Variants in GPR146 observed in about 807,000 individuals in gnomAD.
GPR146 encodes G-protein coupled receptor 146.
For missense variants in GPR146, 381 were observed against 213.9 expected (o/e 1.78, Z -4.87); for synonymous variants, 203 against 104.3 (o/e 1.95, Z -5.77).
intron 1 of GPR146, among the ~76,000 whole-genome samples, chr7:1,049,055 G>A (rs1483538760): frequency 6.6e-6 from 1 of 152,218 alleles, no homozygotes; most frequent in Non-Finnish European, 1.5e-5. Flanking sequence ...CTGAGCGTGC[G>A]CTCCCCAGGC....
intron 1 of GPR146, among the ~76,000 whole-genome samples, chr7:1,046,548 G>C (rs1782597082): frequency 6.6e-6 from 1 of 152,190 alleles, no homozygotes; most frequent in South Asian, 2.1e-4. Context: ...TAGCCAAGAG[G>C]ACAGGGAACC....
chr7:1,053,795 C>G (rs995726089), intron 1 of GPR146, among the ~76,000 whole-genome samples: 2 of 152,162 alleles, frequency 1.3e-5, no homozygotes, highest in African/African-American at 2.4e-5. Context: ...CCACTGCACT[C>G]CAGCCTGGGC....
chr7:1,056,981 G>A (rs900767695), intron 1 of GPR146, among the ~76,000 whole-genome samples: 29 of 152,016 alleles, frequency 1.9e-4, no homozygotes, highest in Non-Finnish European at 2.9e-4. Context: ...TGTGGGCTGC[G>A]ACCCACAGGT....
chr7:1,054,273 G>A (rs908838546), intron 1 of GPR146, among the ~76,000 whole-genome samples: 7 of 152,218 alleles, frequency 4.6e-5, no homozygotes, highest in Non-Finnish European at 7.3e-5. Context: ...GGTACGGCTC[G>A]GCTTGTAACC....
chr7:1,050,621 C>G (rs187911554), intron 1 of GPR146, among the ~76,000 whole-genome samples: 240 of 152,338 alleles, frequency 1.6e-3, no homozygotes, highest in African/African-American at 5.3e-3. Context: ...GGAAGTAAGG[C>G]CCAGCAGCCT....
chr7:1,053,594 G>A lies in GPR146; in HGVS notation c.-24-3898G>A, dbSNP rs567215954. Among the ~76,000 whole-genome samples, 424 of 152,328 alleles carry A rather than the reference G, an allele frequency of 2.8e-3. 1 individual carries two copies. Among genetic ancestry groups the A allele is most frequent in the Middle Eastern group, 6.8e-3 (2 of 294 alleles). On this transcript the variant is annotated intron_variant, in intron 1 of 1. Transcript: ENST00000444847. ...TGTAATCCCAGCACTTTGGGAGGCC[G>A]AGGTGGGCGGATCACCTGAGGTCGG...
At chr7:1,057,367 G>C (rs912219436) in intron 1 of GPR146, 125 bp from the exon 2 acceptor site, 8 of 594,456 alleles carry the variant, frequency 1.3e-5, no homozygotes, top group Admixed American at 3.0e-5. Flanking sequence ...TGCACCAAAG[G>C]CAGCCTCGCT....
Position 1,057,519 on chromosome 7 carries a change from T to C in GPR146, c.4T>C (p.Trp2Arg), listed in dbSNP as rs1419592583. 1.3e-6 allele frequency: 1 copy of C among 768,274 alleles called. No homozygotes were observed. The highest frequency in any genetic ancestry group is 2.4e-6 in the Non-Finnish European group (1 of 413,260). 47.6% of individuals were successfully genotyped at this position (768,274 alleles called of 1,614,324 possible). The change falls in exon 2 of 2, where the codon TGG becomes CGG. Residue 2 changes from tryptophan to arginine, a missense_variant. Trp to Arg is a moderately radical substitution (Grantham distance 101). Transcript: ENST00000444847. ...TCGCGGAGCCTCGCCGGCCGCCATGTGGAGCTGCAGCTGGTTCAACGGCAC... is the reference window on the plus strand; with the variant it reads ...TCGCGGAGCCTCGCCGGCCGCCATGCGGAGCTGCAGCTGGTTCAACGGCAC... M[W>R]SCSWFNGTGL...
chr7:1,055,717 C>T (rs891059819), intron 1 of GPR146, among the ~76,000 whole-genome samples: 19 of 152,080 alleles, frequency 1.2e-4, no homozygotes, highest in East Asian at 7.7e-4. Flanking sequence ...GGTGGCCGGC[C>T]GGGTGTGCCC....
chr7:1,047,975 C>A (rs1300248529), intron 1 of GPR146, among the ~76,000 whole-genome samples: 1 of 152,160 alleles, frequency 6.6e-6, no homozygotes. Context: ...ATAAAAACTT[C>A]CCCTGCCTGC....
intron 1 of GPR146, chr7:1,056,112 T>C (rs748558931): frequency 6.5e-6 from 1 of 153,562 alleles, no homozygotes; most frequent in Non-Finnish European, 1.4e-5. Flanking sequence ...AGGTGCATCC[T>C]GTCTGGAGCT....
In GPR146 at chr7:1,052,933, A is replaced by G. The variant is rs1177950840; in HGVS notation, c.-24-4559A>G. Among the ~76,000 whole-genome samples, 1 of 152,044 alleles carries G rather than the reference A, an allele frequency of 6.6e-6. No homozygotes were observed. Among genetic ancestry groups the G allele is most frequent in the Non-Finnish European group, 1.5e-5 (1 of 67,984 alleles). ...AGGCTTTCGTGTAGGAAAAGAGCCC[A>G]CTTCTGAAGAGGCTCATCTGGGCTT... On this transcript the variant is annotated intron_variant, in intron 1 of 1. Transcript: ENST00000444847. This position sits in a 1 kb window ranked among gnomAD's most constrained non-coding sequence, Gnocchi z 4.2.
chr7:1,057,378 CTG>C lies in GPR146; in HGVS notation c.-24-111_-24-110del, dbSNP rs1783921812. ...GAAATGCACCAAAGGCAGCCTCGCT[CTG>C]TGGTCTGCAGCGATTACTGCACCAG... On this transcript the variant is annotated intron_variant, in intron 1 of 1. Transcript: ENST00000444847. The C allele has an allele frequency of 5.0e-6, 3 of 599,610 alleles. No individual in the cohort carries two copies. In the Admixed American group the frequency reaches 8.8e-5, roughly 18 times the overall value. 37.1% of individuals were successfully genotyped at this position (599,610 alleles called of 1,614,324 possible).
chr7:1,051,355 G>A (rs1246286123), intron 1 of GPR146, among the ~76,000 whole-genome samples: 2 of 152,260 alleles, frequency 1.3e-5, no homozygotes, highest in African/African-American at 2.4e-5. Context: ...GAGACCCTGA[G>A]CCAGGCCGCC....
In GPR146 at chr7:1,052,249, C is replaced by A. The variant is rs946112784; in HGVS notation, c.-24-5243C>A. Among the ~76,000 whole-genome samples, 1 of 152,234 alleles carries A rather than the reference C, an allele frequency of 6.6e-6. No homozygotes were observed. Among genetic ancestry groups the A allele is most frequent in the Non-Finnish European group, 1.5e-5 (1 of 68,036 alleles). On this transcript the variant is annotated intron_variant, in intron 1 of 1. Coordinates refer to ENST00000444847, the MANE Select transcript of GPR146 (RefSeq NM_001303473.2). This position sits in a 1 kb window ranked among gnomAD's most constrained non-coding sequence, Gnocchi z 4.2. ...CTCTGAGCAGGCGCCTGCGTCGAGG[C>A]GTGCCCTCCTGAGAGGCAAGGCTGA...
rs578105228 is a variant in GPR146 at position 1,058,476 on chromosome 7, T to C, written c.961T>C (p.Cys321Arg). The C allele has an allele frequency of 1.5e-5, 12 of 780,290 alleles. No homozygotes were observed. Among genetic ancestry groups the C allele is most frequent in the South Asian group, 1.1e-4 (8 of 74,622 alleles). 48.3% of individuals were successfully genotyped at this position (780,290 alleles called of 1,614,324 possible). ...AAAGCTGCCCTGCGGGGACCGGCAC[T>C]GCTCCCCGGACCACATGGGGGTGCA... ...MKKLPCGDRHCSPDHMGVQQV... is the reference protein window; with the variant it reads ...MKKLPCGDRHRSPDHMGVQQV... The change falls in exon 2 of 2, where the codon TGC becomes CGC. Residue 321 changes from cysteine to arginine, a missense_variant. Transcript: ENST00000444847.
chr7:1,055,268 A>G, intron 1 of GPR146: 2 of 471,122 alleles, frequency 4.2e-6, no homozygotes, highest in Non-Finnish European at 8.8e-6. Context: ...CCTGCGGGGA[A>G]CTTACCAGAG....
In GPR146 at chr7:1,058,709, T is replaced by C; in HGVS notation, c.*192T>C. ...GGCTGTGGTCCCCGTGGCTGGCATC[T>C]GGCTTGAGTCTCCCCGAGGCCTGTG... On this transcript the variant is annotated 3_prime_UTR_variant, in exon 2 of 2. Coordinates refer to ENST00000444847, the MANE Select transcript of GPR146 (RefSeq NM_001303473.2). 1.7e-6 allele frequency: 1 copy of C among 601,008 alleles called. No individual in the cohort carries two copies. Among genetic ancestry groups the C allele is most frequent in the Non-Finnish European group, 3.0e-6 (1 of 329,934 alleles). The allele number at this position is 601,008 out of a possible 1,614,324, so 37.2% of individuals were successfully genotyped here. A position where few individuals can be genotyped will look rare whatever the true frequency, so the allele number is the denominator to read the frequency against.
At chr7:1,051,303 T>C (rs896478546) in intron 1 of GPR146, among the ~76,000 whole-genome samples, 8 of 152,244 alleles carry the variant, frequency 5.3e-5, no homozygotes, top group African/African-American at 1.9e-4. Context: ...AGGGTGCACC[T>C]GGTGTCCAGC....
Sources: gnomAD v4.1 joint callset for allele counts (sites outside exome capture counted in the v4.1 genomes callset) on GRCh38, gnomAD v4.1.1 for gene constraint, Gnocchi (gnomAD v3.1) non-coding constraint, MANE v1.5 for transcripts, NCBI Gene and HGNC (gene_info 2026-07-23, HGNC 2026-07-21) for gene names.